The following BRWD1 variants were observed in gnomAD, a reference collection of about 807,000 sequenced individuals.
BRWD1 encodes the protein bromodomain and WD repeat domain containing 1.
In BRWD1, 82 loss-of-function variants were observed where a neutral mutation model predicts 251.2. The ratio of observed to expected loss-of-function variants is 0.33; its 90% CI spans 0.27 to 0.39. The LOEUF (loss-of-function observed/expected upper bound fraction) is 0.39, where lower values mean the gene tolerates loss of function less well. BRWD1 is among the 10% of genes least tolerant of loss of function. The pLI is 1.00. For synonymous variants in BRWD1, 918 were observed against 902.8 expected (o/e 1.02, Z -0.30); for missense variants, 2,233 against 2,711.6 (o/e 0.82, Z 3.92).
intron 38 of BRWD1, 60 bp downstream of exon 38, chr21:39,202,265 C>T (rs2836938): frequency 0.33 from 403,573 of 1,236,244 alleles, 70,811 homozygotes; most frequent in Middle Eastern, 0.38. Flanking sequence ...TCTCTAGTAA[C>T]GGCCAGTGTT....
chr21:39,264,428 TAAA>T (rs33939736), intron 17 of BRWD1, 29 bp downstream of exon 17: 317,993 of 1,140,886 alleles, frequency 0.28, 12,971 homozygotes, highest in Middle Eastern at 0.31. Flanking sequence ...AGTACAACTT[TAAA>T]AAAAAAAAAA....
Position 39,185,561 on chromosome 21 carries a change from A to G in BRWD1, c.*10698T>C, listed in dbSNP as rs2031186006. 1 of 152,092 alleles carries G rather than the reference A, an allele frequency of 6.6e-6. No homozygotes were observed. The allele number at this position is 152,092 out of a possible 1,614,324, so 9.4% of individuals were successfully genotyped here. On this transcript the variant is annotated 3_prime_UTR_variant, in exon 41 of 41. Coordinates refer to ENST00000342449, the MANE Select transcript of BRWD1 (RefSeq NM_033656.4). ...ATATTGGGGATCAGTAATTTAGATG[A>G]AAGTATACTACAAAAGGAGCAAAGG... is the stretch of plus-strand genomic sequence containing the variant.
Position 39,247,712 on chromosome 21 carries a change from A to C in BRWD1, c.2470T>G (p.Ser824Ala). Residue 824 changes from serine (S) to alanine (A), a missense_variant, in exon 21 of 41, where the codon TCT becomes GCT. Around this residue, in one of 12 missense-constraint regions of BRWD1, gnomAD observed 214 missense variants for 222.0 expected, o/e 0.96. Coordinates refer to ENST00000342449, the MANE Select transcript of BRWD1 (RefSeq NM_033656.4). ...AGTTTTCCACTCACATGTCTTACAG[A>C]GCTTGAAGACTCATTTCCAGAAGAT... ...ELSSGNESSS[S>A]VRHETSCDQS... The C allele has an allele frequency of 6.2e-7, 1 of 1,609,622 alleles. No individual in the cohort carries two copies. Among genetic ancestry groups the C allele is most frequent in the Non-Finnish European group, 8.5e-7 (1 of 1,178,720 alleles).
intron 5 of BRWD1, chr21:39,297,062 G>A: frequency 1.0e-6 from 1 of 985,332 alleles, no homozygotes; most frequent in Non-Finnish European, 1.2e-6. Flanking sequence ...CGTAGGATCT[G>A]TGACTCTGAA....
chr21:39,188,170 T>C lies in BRWD1; in HGVS notation c.*8089A>G, dbSNP rs1294005551. On this transcript the variant is annotated 3_prime_UTR_variant, in exon 41 of 41. Transcript: ENST00000342449. ...CAAACAAGTCTAATTAGTACTCTTC[T>C]AGAACAGAAGTGATATTCCTTTTAC... 1.0e-6 allele frequency: 1 copy of C among 985,294 alleles called. No homozygotes were observed. Among genetic ancestry groups the C allele is most frequent in the Admixed American group, 6.1e-5 (1 of 16,262 alleles). The allele number at this position is 985,294 out of a possible 1,614,324, so 61.0% of individuals were successfully genotyped here. A position where few individuals can be genotyped will look rare whatever the true frequency, so the allele number is the denominator to read the frequency against.
At chr21:39,277,222 C>T in intron 11 of BRWD1, 29 bp downstream of exon 11, 1 of 1,524,780 alleles carries the variant, frequency 6.6e-7, no homozygotes, top group Non-Finnish European at 9.0e-7. Flanking sequence ...AACAATTAAT[C>T]TAAAGGATTT....
At chr21:39,269,790 T>A in intron 15 of BRWD1, 109 bp downstream of exon 15, 1 of 1,004,894 alleles carries the variant, frequency 1.0e-6, no homozygotes, top group Non-Finnish European at 1.3e-6. Context: ...TGCTGATTTG[T>A]AAAAACAAAC....
chr21:39,208,929 A>G (rs1481351902), intron 36 of BRWD1, among the ~76,000 whole-genome samples: 1 of 152,092 alleles, frequency 6.6e-6, no homozygotes, highest in Non-Finnish European at 1.5e-5. Flanking sequence ...TGCATGCCCC[A>G]AAGAGTTAAA....
At position 39,194,972 on chromosome 21, in the gene BRWD1, A is replaced by G; in HGVS notation, c.*1287T>C. 7.0e-7 allele frequency: 1 copy of G among 1,437,394 alleles called. No homozygotes were observed. 89.0% of individuals were successfully genotyped at this position (1,437,394 alleles called of 1,614,324 possible). A position where few individuals can be genotyped will look rare whatever the true frequency, so the allele number is the denominator to read the frequency against. On this transcript the variant is annotated 3_prime_UTR_variant, in exon 41 of 41. Transcript: ENST00000342449. ...AACCATTTGAATCAAGTCCATCTTC[A>G]GGCACAAACAAGTTAGGAATGGCCA...
In BRWD1 at chr21:39,195,628, A is replaced by G; in HGVS notation, c.*631T>C. Reference sequence around the variant, plus strand: ...TCAAGTTTATAACATAAAAGTGACAACGTTTTCCTTAAGAAGAAAAAAACC... The same window carrying G: ...TCAAGTTTATAACATAAAAGTGACAGCGTTTTCCTTAAGAAGAAAAAAACC... On this transcript the variant is annotated 3_prime_UTR_variant, in exon 41 of 41. Transcript: ENST00000342449. The G allele has an allele frequency of 6.1e-6, 6 of 984,414 alleles. No individual in the cohort carries two copies. The highest frequency in any genetic ancestry group is 7.2e-6 in the Non-Finnish European group (6 of 828,662). 61.0% of individuals were successfully genotyped at this position (984,414 alleles called of 1,614,324 possible).
chr21:39,278,463 T>C (rs2035347172), intron 10 of BRWD1: 1 of 357,840 alleles, frequency 2.8e-6, no homozygotes. Context: ...TAGATTATCA[T>C]ACACATAGTA....
chr21:39,290,389 T>C (rs1039373429), intron 8 of BRWD1, among the ~76,000 whole-genome samples: 1 of 150,792 alleles, frequency 6.6e-6, no homozygotes, highest in Non-Finnish European at 1.5e-5. Context: ...CTCGGGAGGC[T>C]GAGGCGCAGA....
At chr21:39,265,103 T>C (rs2034878030) in intron 15 of BRWD1, 84 bp from the exon 16 acceptor site, 11 of 1,392,914 alleles carry the variant, frequency 7.9e-6, no homozygotes, top group Middle Eastern at 1.9e-4. Flanking sequence ...GGATAACCTG[T>C]GACAATATAT....
intron 13 of BRWD1, among the ~76,000 whole-genome samples, chr21:39,271,547 A>C (rs1474723707): frequency 1.3e-5 from 2 of 151,430 alleles, no homozygotes; most frequent in Non-Finnish European, 2.9e-5. Context: ...AAAAAGCAAA[A>C]TTAGCCAGGC....
chr21:39,277,888 G>A (rs1331172434), intron 10 of BRWD1, among the ~76,000 whole-genome samples: 2 of 152,084 alleles, frequency 1.3e-5, no homozygotes, highest in Admixed American at 6.6e-5. Flanking sequence ...TCAGTCTGTC[G>A]CCCAGGCTGG....
intron 32 of BRWD1, among the ~76,000 whole-genome samples, chr21:39,214,318 T>C (rs1318768848): frequency 6.6e-6 from 1 of 152,178 alleles, no homozygotes; most frequent in Non-Finnish European, 1.5e-5. Context: ...ATCTACAGAA[T>C]ATTCACACGT....
intron 21 of BRWD1, among the ~76,000 whole-genome samples, chr21:39,244,921 A>AATAAATATATATATATATATATATAT (rs1330847340): frequency 1.2e-3 from 134 of 112,452 alleles, no homozygotes; most frequent in Non-Finnish European, 2.0e-3. Flanking sequence ...CTTTGGAAGA[A>AATAAATATATATATATATATATATAT]ATATATATAT....
chr21:39,283,894 C>T (rs1447409222), intron 8 of BRWD1, among the ~76,000 whole-genome samples: 1 of 152,014 alleles, frequency 6.6e-6, no homozygotes, highest in Non-Finnish European at 1.5e-5. Context: ...CTAAATCCTG[C>T]ATAAAAGAAA....
chr21:39,233,890 T>C (rs548999180), intron 23 of BRWD1, among the ~76,000 whole-genome samples: 1 of 152,070 alleles, frequency 6.6e-6, no homozygotes, highest in African/African-American at 2.4e-5. Flanking sequence ...CGTGGTGGTG[T>C]GTGCCTGTAG....
Sources: gnomAD v4.1 joint callset for allele counts (sites outside exome capture counted in the v4.1 genomes callset) on GRCh38, gnomAD v4.1.1 for gene constraint, gnomAD v4.1.1 regional missense constraint, MANE v1.5 for transcripts, NCBI Gene and HGNC (gene_info 2026-07-23, HGNC 2026-07-21) for gene names.